Variants in LRRC7 observed in about 807,000 individuals in gnomAD.
LRRC7 encodes leucine-rich repeat-containing protein 7.
Under a neutral mutation model 175.7 loss-of-function variants are expected in LRRC7, and 23 were observed. That is an observed-to-expected ratio of 0.13 (90% CI 0.09 to 0.19). The LOEUF is 0.19. LRRC7 is among the 10% of genes least tolerant of loss of function. The probability of loss-of-function intolerance (pLI) is 1.00; values close to 1 mark genes in which losing one functional copy is unlikely to be tolerated. For missense variants in LRRC7, 1,354 were observed against 1,904.7 expected (o/e 0.71, Z 5.38); for synonymous variants, 685 against 680.9 (o/e 1.01, Z -0.09).
intron 9 of LRRC7, among the ~76,000 whole-genome samples, chr1:69,982,238 T>G (rs976011280): frequency 2.0e-5 from 3 of 152,246 alleles, no homozygotes; most frequent in Admixed American, 2.0e-4. Context: ...GTTTCATATG[T>G]ACTGCTAGCT....
intron 21 of LRRC7, among the ~76,000 whole-genome samples, chr1:70,042,296 G>A (rs1394313002): frequency 1.3e-5 from 2 of 152,170 alleles, no homozygotes; most frequent in African/African-American, 4.8e-5. Context: ...CGACATAGCT[G>A]TGCTACTTAA....
rs867162791 is a variant in LRRC7, at chr1:70,130,432, A to G, written c.*8545A>G. On this transcript the variant is annotated 3_prime_UTR_variant, in exon 27 of 27. Coordinates refer to ENST00000651989, the MANE Select transcript of LRRC7 (RefSeq NM_001370785.2). Reference sequence around the variant, plus strand: ...AGCAAATTGATCTTCAGTTTGTGTAACCTTAAACTACCAACCTTTCATCTT... The same window carrying G: ...AGCAAATTGATCTTCAGTTTGTGTAGCCTTAAACTACCAACCTTTCATCTT... Among the ~76,000 whole-genome samples the G allele has an allele frequency of 3.3e-5, 5 of 152,218 alleles. No individual in the cohort carries two copies. The South Asian group carries it at 8.3e-4, about 25-fold the overall frequency.
chr1:70,039,036 G>T lies in LRRC7; in HGVS notation c.3212G>T (p.Ser1071Ile). The T allele has an allele frequency of 6.2e-7, 1 of 1,614,058 alleles. No homozygotes were observed. The highest frequency in any genetic ancestry group is 8.5e-7 in the Non-Finnish European group (1 of 1,179,998). ...MTKKVYQFDQ[S>I]FNPQGSVEVK... The stretch of plus-strand genomic sequence containing the variant: ...AAAAAAGTCTATCAGTTTGACCAAA[G>T]CTTCAATCCTCAAGGATCAGTGGAA... Residue 1071 changes from serine (S) to isoleucine (I), a missense_variant, in exon 21 of 27, where the codon AGC (serine) becomes ATC (isoleucine). This residue lies in a region of LRRC7 where 1,032 missense variants were observed against 1,227.2 expected (regional missense o/e 0.84). Transcript: ENST00000651989.
intron 25 of LRRC7, among the ~76,000 whole-genome samples, chr1:70,090,190 A>C (rs1663917469): frequency 6.6e-6 from 1 of 152,142 alleles, no homozygotes; most frequent in African/African-American, 2.4e-5. Flanking sequence ...CTTATTTAGG[A>C]AACTGTTTTC....
At chr1:69,640,833 CAAT>C (rs1311873689) in intron 1 of LRRC7, among the ~76,000 whole-genome samples, 2 of 149,058 alleles carry the variant, frequency 1.3e-5, no homozygotes, top group Non-Finnish European at 3.0e-5. Flanking sequence ...AAGAAAAAAT[CAAT>C]AAAGGTTGTT....
chr1:69,707,774 G>A (rs1468801652), intron 2 of LRRC7, among the ~76,000 whole-genome samples: 1 of 152,114 alleles, frequency 6.6e-6, no homozygotes, highest in African/African-American at 2.4e-5. Context: ...TAGAGTCATA[G>A]AGACTTGTGA....
At chr1:69,711,486 T>G (rs1664745711) in intron 2 of LRRC7, among the ~76,000 whole-genome samples, 1 of 152,216 alleles carries the variant, frequency 6.6e-6, no homozygotes, top group Non-Finnish European at 1.5e-5. Flanking sequence ...CCTGAATTTT[T>G]CATTTACTCA....
chr1:70,108,089 A>G (rs1355484347), intron 26 of LRRC7, among the ~76,000 whole-genome samples: 4 of 149,840 alleles, frequency 2.7e-5, no homozygotes, highest in Non-Finnish European at 5.9e-5. Flanking sequence ...ACTTGATAAT[A>G]TAAGAAATAT....
At chr1:69,794,909 T>C (rs1360771878) in intron 4 of LRRC7, among the ~76,000 whole-genome samples, 3 of 152,250 alleles carry the variant, frequency 2.0e-5, no homozygotes, top group Non-Finnish European at 2.9e-5. Flanking sequence ...TTAGCTATGC[T>C]TATGATTCTG....
chr1:70,042,285 T>G (rs1659972994), intron 21 of LRRC7, among the ~76,000 whole-genome samples: 1 of 152,216 alleles, frequency 6.6e-6, no homozygotes, highest in Admixed American at 6.5e-5. Flanking sequence ...AAAACCAGTT[T>G]CGACATAGCT....
chr1:70,012,740 A>T (rs1392083887), intron 12 of LRRC7, among the ~76,000 whole-genome samples: 3 of 151,378 alleles, frequency 2.0e-5, no homozygotes, highest in Non-Finnish European at 3.0e-5. Context: ...ATTATAAAGA[A>T]AATTCTTCAT....
chr1:69,706,250 T>C (rs1664026160), intron 2 of LRRC7, among the ~76,000 whole-genome samples: 1 of 152,198 alleles, frequency 6.6e-6, no homozygotes, highest in Non-Finnish European at 1.5e-5. Context: ...TACATAGTTC[T>C]GTGGTTCTTG....
At position 70,039,378 on chromosome 1, in the gene LRRC7, C is replaced by T. The variant is rs777951750; in HGVS notation, c.3554C>T (p.Pro1185Leu). The T allele has an allele frequency of 6.8e-6, 11 of 1,613,938 alleles. No homozygotes were observed. In the South Asian group the frequency reaches 9.9e-5, roughly 15 times the overall value. The part of the protein sequence containing the change: ...LPPTDRYGRP[P>L]YRGGLDRQSS... ...CCAACTGATAGGTACGGCAGACCCC[C>T]ATATAGGGGAGGGCTGGATCGCCAA... The change falls in exon 21 of 27, where the codon CCA becomes CTA. Residue 1185 changes from proline to leucine, a missense_variant. Pro to Leu is a moderately conservative substitution (Grantham distance 98). This residue lies in a region of LRRC7 where 1,032 missense variants were observed against 1,227.2 expected (regional missense o/e 0.84). Transcript: ENST00000651989.
At chr1:69,706,647 A>G (rs1196113479) in intron 2 of LRRC7, among the ~76,000 whole-genome samples, 3 of 152,186 alleles carry the variant, frequency 2.0e-5, no homozygotes, top group African/African-American at 7.2e-5. Flanking sequence ...AAAGTCAGGC[A>G]GAGGAGATAA....
At chr1:69,588,087 C>T (rs1347249529) in intron 1 of LRRC7, among the ~76,000 whole-genome samples, 1 of 152,112 alleles carries the variant, frequency 6.6e-6, no homozygotes, top group African/African-American at 2.4e-5. Context: ...GGTTGTAGTT[C>T]CAAATGTCAT....
At position 70,091,541 on chromosome 1, in the gene LRRC7, TA is replaced by T. The variant is rs201931707; in HGVS notation, c.4545+1724del. On this transcript the variant is annotated intron_variant, in intron 25 of 26. Coordinates refer to ENST00000651989, the MANE Select transcript of LRRC7 (RefSeq NM_001370785.2). ...ACAGGGTAAAAAAATATTTTTAAAT[TA>T]AGGATGAATAGATTGTTAAGTAGTC... Among the ~76,000 whole-genome samples the T allele has an allele frequency of 8.4e-3, 1,285 of 152,256 alleles. 11 individuals carry two copies. The highest frequency in any genetic ancestry group is 0.029 in the African/African-American group (1,211 of 41,556).
intron 4 of LRRC7, among the ~76,000 whole-genome samples, chr1:69,799,350 C>G (rs1676190178): frequency 6.6e-6 from 1 of 152,006 alleles, no homozygotes; most frequent in Admixed American, 6.6e-5. Flanking sequence ...TCATCCTTTT[C>G]CCCACAACCG....
intron 11 of LRRC7, among the ~76,000 whole-genome samples, chr1:70,004,587 G>T (rs1655830583): frequency 6.6e-6 from 1 of 152,114 alleles, no homozygotes; most frequent in Non-Finnish European, 1.5e-5. Context: ...TAAGTAACTA[G>T]TAATTATTAG....
intron 4 of LRRC7, among the ~76,000 whole-genome samples, chr1:69,793,009 T>C (rs1466861877): frequency 6.6e-6 from 1 of 152,092 alleles, no homozygotes; most frequent in Non-Finnish European, 1.5e-5. Context: ...ATAGGACCCC[T>C]TCATCATTAA....
Sources: allele counts gnomAD v4.1 joint callset (sites outside exome capture counted in the v4.1 genomes callset), GRCh38; gene constraint gnomAD v4.1.1; regional missense constraint gnomAD v4.1.1; transcripts MANE v1.5; gene names NCBI Gene and HGNC (gene_info 2026-07-23, HGNC 2026-07-21).